DGKB: variants seen among roughly 807,000 people sequenced by gnomAD.
DGKB encodes diacylglycerol kinase beta.
DGKB carries 67 observed loss-of-function variants against 114.3 expected under a neutral mutation model. The observed-to-expected ratio is 0.59, with a 90% CI of 0.48 to 0.72. The LOEUF is 0.72. Among genes scored for constraint, DGKB ranks in the 30% least tolerant of loss-of-function variants. The pLI, the probability that DGKB is intolerant of heterozygous loss-of-function variation, is 0.00. For synonymous variants in DGKB, 398 were observed against 323.1 expected (o/e 1.23, Z -2.49); for missense variants, 907 against 975.2 (o/e 0.93, Z 0.93).
In DGKB at chr7:14,246,904, A is replaced by T. The variant is rs184903854; in HGVS notation, c.2123-68753T>A. Among the ~76,000 whole-genome samples, 587 of 152,276 alleles carry T rather than the reference A, an allele frequency of 3.9e-3. 2 individuals carry two copies. The highest frequency in any genetic ancestry group is 6.7e-3 in the Non-Finnish European group (459 of 68,000). ...TATATTATTAATGACACTGCAATAC[A>T]TACTTTATATTAGATCTTCAGAATA... On this transcript the variant is annotated intron_variant, in intron 23 of 25. Transcript: ENST00000402815.
chr7:14,401,199 T>A (rs922242623), intron 21 of DGKB, among the ~76,000 whole-genome samples: 1 of 151,954 alleles, frequency 6.6e-6, no homozygotes, highest in Non-Finnish European at 1.5e-5. Context: ...ATGTCTTCCA[T>A]TGTGCATGGC....
At chr7:14,179,763 A>G (rs962321277) in intron 23 of DGKB, among the ~76,000 whole-genome samples, 7 of 152,218 alleles carry the variant, frequency 4.6e-5, no homozygotes, top group African/African-American at 7.2e-5. Context: ...ATAAAAATCT[A>G]TTATTTTTAA....
intron 23 of DGKB, among the ~76,000 whole-genome samples, chr7:14,333,136 G>A (rs1016117616): frequency 1.9e-4 from 29 of 152,232 alleles, no homozygotes; most frequent in Non-Finnish European, 8.8e-5. Flanking sequence ...CATTTTAGAA[G>A]TTCTAATTGC....
At chr7:14,541,789 T>C (rs1050731208) in intron 20 of DGKB, among the ~76,000 whole-genome samples, 2 of 152,230 alleles carry the variant, frequency 1.3e-5, no homozygotes, top group Non-Finnish European at 2.9e-5. Flanking sequence ...CATTCCCAAT[T>C]TGACGTCAGT....
At chr7:14,607,620 A>C (rs1037595040) in intron 16 of DGKB, 112 bp from the exon 17 acceptor site, 20 of 358,418 alleles carry the variant, frequency 5.6e-5, no homozygotes, top group Non-Finnish European at 6.6e-5. Flanking sequence ...TATATAATTT[A>C]ATAAAAAATT....
rs1437234501 is a variant in DGKB, at chr7:14,267,769, G to T, written c.2122+70746C>A. Among the ~76,000 whole-genome samples, 7 of 152,082 alleles carry T rather than the reference G, an allele frequency of 4.6e-5. No individual in the cohort carries two copies. The East Asian group carries it at 9.6e-4, about 21-fold the overall frequency. ...CTCCCAAAGTGCTGGGATTACAGGC[G>T]TGAGCCACCGTTCCCGGCCTATTGT... On this transcript the variant is annotated intron_variant, in intron 23 of 25. Coordinates refer to ENST00000402815, the MANE Select transcript of DGKB (RefSeq NM_001350709.2).
chr7:14,808,363 C>T (rs1006598217), intron 2 of DGKB, among the ~76,000 whole-genome samples: 11 of 152,078 alleles, frequency 7.2e-5, no homozygotes, highest in African/African-American at 2.4e-4. Context: ...CAAACTTGCA[C>T]ATTGAGGTAG....
intron 20 of DGKB, among the ~76,000 whole-genome samples, chr7:14,532,075 C>T (rs1791682646): frequency 1.3e-5 from 2 of 151,210 alleles, no homozygotes; most frequent in African/African-American, 2.4e-5. Context: ...ATATCCATAT[C>T]GTTCTCATAA....
At chr7:14,544,203 G>C (rs1328182842) in intron 20 of DGKB, among the ~76,000 whole-genome samples, 1 of 152,094 alleles carries the variant, frequency 6.6e-6, no homozygotes, top group Non-Finnish European at 1.5e-5. Flanking sequence ...CTGTTTATAA[G>C]ATAAAGGAAG....
chr7:14,189,325 G>A (rs1184148790), intron 23 of DGKB, among the ~76,000 whole-genome samples: 4 of 152,214 alleles, frequency 2.6e-5, no homozygotes, highest in Admixed American at 6.5e-5. Context: ...CCAAAGTTAA[G>A]TTGCCATCAT....
chr7:14,502,870 G>A (rs952026898), intron 20 of DGKB, among the ~76,000 whole-genome samples: 4 of 152,078 alleles, frequency 2.6e-5, no homozygotes, highest in Non-Finnish European at 5.9e-5. Context: ...CTAGGATTCT[G>A]GCTTTCAACA....
At chr7:14,161,834 T>C (rs1416577254) in intron 25 of DGKB, among the ~76,000 whole-genome samples, 1 of 152,096 alleles carries the variant, frequency 6.6e-6, no homozygotes, top group African/African-American at 2.4e-5. Context: ...AAAAAAAGTC[T>C]TTGAGTTTTT....
chr7:14,208,489 T>G (rs1362962615), intron 23 of DGKB, among the ~76,000 whole-genome samples: 2 of 152,000 alleles, frequency 1.3e-5, no homozygotes, highest in African/African-American at 4.8e-5. Context: ...TTCCCTCCCT[T>G]TTGCTGGGTT....
intron 13 of DGKB, among the ~76,000 whole-genome samples, chr7:14,646,450 T>G (rs567692106): frequency 6.6e-6 from 1 of 152,122 alleles, no homozygotes; most frequent in African/African-American, 2.4e-5. Context: ...GGATAATAAA[T>G]TGTAAAATAT....
chr7:14,381,282 T>C (rs746050438), intron 21 of DGKB, among the ~76,000 whole-genome samples: 12 of 152,244 alleles, frequency 7.9e-5, no homozygotes, highest in Non-Finnish European at 1.6e-4. Context: ...GAATGTGCTA[T>C]GTGGGTCTCC....
At chr7:14,800,619 C>G (rs1463330554) in intron 2 of DGKB, among the ~76,000 whole-genome samples, 1 of 152,148 alleles carries the variant, frequency 6.6e-6, no homozygotes, top group Non-Finnish European at 1.5e-5. Context: ...TAAGTTAATA[C>G]TTAGTAAACT....
intron 21 of DGKB, among the ~76,000 whole-genome samples, chr7:14,358,295 T>C (rs1814987791): frequency 6.6e-6 from 1 of 152,220 alleles, no homozygotes; most frequent in South Asian, 2.1e-4. Context: ...TCATTTCTTT[T>C]TACTCCTTTT....
chr7:14,364,227 A>T (rs1271240809), intron 21 of DGKB, among the ~76,000 whole-genome samples: 1 of 152,022 alleles, frequency 6.6e-6, no homozygotes, highest in Admixed American at 6.6e-5. Context: ...CTTTCCTCTA[A>T]GCTCCAAAAA....
At chr7:14,296,837 G>C (rs1802671011) in intron 23 of DGKB, among the ~76,000 whole-genome samples, 1 of 135,116 alleles carries the variant, frequency 7.4e-6, no homozygotes, top group Admixed American at 7.8e-5. Flanking sequence ...AAAGAGAGAA[G>C]AGTCAAATAG....
Sources: allele counts gnomAD v4.1 joint callset (sites outside exome capture counted in the v4.1 genomes callset), GRCh38; gene constraint gnomAD v4.1.1; transcripts MANE v1.5; gene names NCBI Gene and HGNC (gene_info 2026-07-23, HGNC 2026-07-21).